The following TRRAP variants were observed in gnomAD, a reference collection of about 807,000 sequenced individuals.
TRRAP encodes transformation/transcription domain associated protein, also known as transformation/transcription domain-associated protein.
TRRAP carries 41 observed loss-of-function variants against 438.8 expected under a neutral mutation model. That is an observed-to-expected ratio of 0.09 (90% confidence interval 0.07 to 0.12). The LOEUF is 0.12. TRRAP is among the 10% of genes least tolerant of loss of function. The pLI is 1.00. For missense variants in TRRAP, 3,122 were observed against 5,055.1 expected (o/e 0.62, Z 11.60); for synonymous variants, 1,994 against 1,962.9 (o/e 1.02, Z -0.42).
In TRRAP at chr7:98,962,371, A is replaced by G; in HGVS notation, c.6773A>G (p.Tyr2258Cys). 6.2e-7 allele frequency: 1 copy of G among 1,614,206 alleles called. No homozygotes were observed. The highest frequency in any genetic ancestry group is 1.1e-5 in the South Asian group (1 of 91,084). ...TACGCAGCCGTCGGAAAGGTCATCT[A>G]TGAAGGGCTCACCAACTACGAGAAG... ...CLYAAVGKVI[Y>C]EGLTNYEKAT... The change falls in exon 47 of 73, where the codon TAT becomes TGT. Residue 2258 changes from tyrosine (Y) to cysteine (C), a missense_variant. Around this residue, in one of 24 missense-constraint regions of TRRAP, gnomAD observed 992 missense variants for 1,281.2 expected, o/e 0.77. Transcript: ENST00000456197.
intron 23 of TRRAP, among the ~76,000 whole-genome samples, chr7:98,929,781 A>T (rs1169994250): frequency 1.3e-5 from 2 of 152,014 alleles, no homozygotes; most frequent in African/African-American, 4.8e-5. Context: ...TTTAGTAGAG[A>T]TGGGGTTTCA....
At chr7:98,942,514 C>T in intron 30 of TRRAP, among the ~76,000 whole-genome samples, 1 of 152,210 alleles carries the variant, frequency 6.6e-6, no homozygotes, top group East Asian at 1.9e-4. Context: ...ATTGTAGCTA[C>T]ACACAGCAGG....
At chr7:98,895,667 T>G in intron 6 of TRRAP, 97 bp from the exon 7 acceptor site, 1 of 1,035,978 alleles carries the variant, frequency 9.7e-7, no homozygotes, top group Non-Finnish European at 1.4e-6. Flanking sequence ...CTCTTATGAG[T>G]TCTTACGTAG....
chr7:99,004,266 G>A lies in TRRAP; in HGVS notation c.10386G>A (p.Leu3462=). The A allele has an allele frequency of 6.2e-7, 1 of 1,614,156 alleles. No homozygotes were observed. The highest frequency in any genetic ancestry group is 8.5e-7 in the Non-Finnish European group (1 of 1,180,040). Reference sequence around the variant, plus strand: ...AGTTGAAAAAGTGGATCAAAATCTTGGAGGCCAAGACCAAGCAACTCCCCA... The same window carrying A: ...AGTTGAAAAAGTGGATCAAAATCTTAGAGGCCAAGACCAAGCAACTCCCCA... ...ISKLKKWIKI[L]EAKTKQLPKF... The change falls in exon 68 of 73, where the codon TTG becomes TTA. Residue 3462 remains leucine, a synonymous_variant. Coordinates refer to ENST00000456197, the MANE Select transcript of TRRAP (RefSeq NM_001375524.1).
At chr7:99,009,856 T>C (rs1321201002) in intron 70 of TRRAP, among the ~76,000 whole-genome samples, 1 of 151,812 alleles carries the variant, frequency 6.6e-6, no homozygotes, top group East Asian at 1.9e-4. Flanking sequence ...TATTTTGTTA[T>C]TTATTCTACT....
At chr7:98,922,186 A>G (rs1362784431) in intron 21 of TRRAP, among the ~76,000 whole-genome samples, 1 of 152,030 alleles carries the variant, frequency 6.6e-6, no homozygotes, top group Non-Finnish European at 1.5e-5. Context: ...GACCAAGAGG[A>G]GATGCCAGCC....
chr7:98,903,970 C>T (rs902251469), intron 12 of TRRAP, among the ~76,000 whole-genome samples: 8 of 152,158 alleles, frequency 5.3e-5, no homozygotes, highest in East Asian at 1.9e-4. Context: ...CCACCACGCC[C>T]GGTTAATTTT....
At chr7:98,989,645 G>A (rs909773363) in intron 63 of TRRAP, among the ~76,000 whole-genome samples, 2 of 152,192 alleles carry the variant, frequency 1.3e-5, no homozygotes, top group Admixed American at 6.5e-5. Context: ...AGTTAAAGCC[G>A]ACTACAGAGA....
intron 1 of TRRAP, among the ~76,000 whole-genome samples, chr7:98,880,475 G>A (rs1422304725): frequency 6.6e-6 from 1 of 152,014 alleles, no homozygotes; most frequent in Non-Finnish European, 1.5e-5. Flanking sequence ...TGTTGGCTAC[G>A]CTGGTCTGGA....
In TRRAP at chr7:99,012,141, C is replaced by T. The variant is rs201806372; in HGVS notation, c.11408C>T (p.Thr3803Met). Residue 3803 changes from threonine to methionine, a missense_variant, in exon 73 of 73, where the codon ACG becomes ATG. By Grantham distance (81) the Thr-to-Met change is moderately conservative. Coordinates refer to ENST00000456197, the MANE Select transcript of TRRAP (RefSeq NM_001375524.1). This position sits in a 1 kb window ranked among gnomAD's most constrained non-coding sequence, Gnocchi z 5.9. ...TGGCACAAAAAAACACAAGAGGACA[C>T]GTCCTCTCCTCTCTCGGCCGCCGGG... The part of the protein sequence containing the change: ...IAWHKKTQED[T>M]SSPLSAAGQP... 4.2e-5 allele frequency: 67 copies of T among 1,614,206 alleles called. No homozygotes were observed. In the East Asian group the frequency reaches 1.2e-3, roughly 28 times the overall value.
At chr7:98,979,773 A>G (rs1792828620) in intron 58 of TRRAP, among the ~76,000 whole-genome samples, 1 of 152,182 alleles carries the variant, frequency 6.6e-6, no homozygotes, top group Admixed American at 6.6e-5. Context: ...TAAAACTTGT[A>G]AATTACTCAC....
chr7:99,006,672 G>A (rs117236058), intron 69 of TRRAP, among the ~76,000 whole-genome samples: 19 of 152,296 alleles, frequency 1.2e-4, no homozygotes, highest in African/African-American at 2.6e-4. Flanking sequence ...CTGACTCCAC[G>A]TCAGGGGTTA....
At chr7:98,931,896 GATTT>G (rs1790342451) in intron 26 of TRRAP, among the ~76,000 whole-genome samples, 1 of 151,634 alleles carries the variant, frequency 6.6e-6, no homozygotes, top group African/African-American at 2.4e-5. Flanking sequence ...TTTATTTATT[GATTT>G]ATTTTTTCTT....
intron 20 of TRRAP, among the ~76,000 whole-genome samples, chr7:98,919,778 G>T (rs1203716410): frequency 6.6e-6 from 1 of 152,136 alleles, no homozygotes; most frequent in Non-Finnish European, 1.5e-5. Context: ...GTGGTTCTTA[G>T]GCCTTCTTAC....
chr7:98,917,139 A>G (rs1237896283), intron 19 of TRRAP, among the ~76,000 whole-genome samples: 5 of 152,214 alleles, frequency 3.3e-5, no homozygotes, highest in Non-Finnish European at 4.4e-5. Context: ...TGATAGTACA[A>G]CATAATTAAA....
chr7:98,965,877 C>G lies in TRRAP; in HGVS notation c.7158C>G (p.Ser2386=). The G allele has an allele frequency of 6.2e-7, 1 of 1,614,148 alleles. No homozygotes were observed. Among genetic ancestry groups the G allele is most frequent in the South Asian group, 1.1e-5 (1 of 91,064 alleles). The part of the protein sequence containing the change: ...KIVEEWVKNN[S]PMAANQTPTL... ...TGGAAGAATGGGTCAAGAATAACTC[C>G]CCAATGGCAGCCAATCAGGTGAGCT... Residue 2386 remains serine, a synonymous_variant, in exon 49 of 73, where the codon TCC becomes TCG. Transcript: ENST00000456197.
In TRRAP at chr7:98,930,759, A is replaced by G; in HGVS notation, c.3520A>G (p.Thr1174Ala). 6.2e-7 allele frequency: 1 copy of G among 1,614,188 alleles called. No homozygotes were observed. Among genetic ancestry groups the G allele is most frequent in the Non-Finnish European group, 8.5e-7 (1 of 1,180,034 alleles). ...GTTTCTCATGGAGCGGCTGCCTCTCACTTGGGTTCTCCAGAACCAGCAGAC... is the reference window on the plus strand; with the variant it reads ...GTTTCTCATGGAGCGGCTGCCTCTCGCTTGGGTTCTCCAGAACCAGCAGAC... ...IKFLMERLPLTWVLQNQQTFL... is the reference protein window; with the variant it reads ...IKFLMERLPLAWVLQNQQTFL... The change falls in exon 25 of 73, where the codon ACT becomes GCT. Residue 1174 changes from threonine (T) to alanine (A), a missense_variant. Coordinates refer to ENST00000456197, the MANE Select transcript of TRRAP (RefSeq NM_001375524.1).
intron 30 of TRRAP, among the ~76,000 whole-genome samples, chr7:98,941,328 A>C (rs1335587369): frequency 6.6e-6 from 1 of 152,058 alleles, no homozygotes; most frequent in African/African-American, 2.4e-5. Context: ...GGCATGCGCC[A>C]CCGTGCCCGG....
chr7:98,881,013 C>T (rs968477615), intron 1 of TRRAP, 77 bp from the exon 2 acceptor site: 1 of 542,484 alleles, frequency 1.8e-6, no homozygotes, highest in Non-Finnish European at 3.2e-6. Context: ...ATTATGTAGG[C>T]CTTTAGGTAA....
Sources: allele counts gnomAD v4.1 joint callset (sites outside exome capture counted in the v4.1 genomes callset), GRCh38; gene constraint gnomAD v4.1.1; regional missense constraint gnomAD v4.1.1; non-coding constraint Gnocchi (gnomAD v3.1); transcripts MANE v1.5; gene names NCBI Gene and HGNC (gene_info 2026-07-23, HGNC 2026-07-21).